Variants in CNTRL observed in about 807,000 individuals in gnomAD.
CNTRL encodes the protein centriolin.
In CNTRL, 233 loss-of-function variants were observed where a neutral mutation model predicts 303.7. That is an observed-to-expected ratio of 0.77 (90% confidence interval 0.69 to 0.86). The LOEUF (loss-of-function observed/expected upper bound fraction) is 0.86, where lower values mean the gene tolerates loss of function less well. Among genes scored for constraint, CNTRL ranks in the 40% least tolerant of loss-of-function variants. CNTRL has a pLI of 0.00. For missense variants in CNTRL, 2,524 were observed against 2,650.6 expected, an observed-to-expected ratio of 0.95 and a Z score of 1.05; for synonymous variants, 900 against 922.2, an observed-to-expected ratio of 0.98 and a Z score of 0.44.
chr9:121,112,715 A>C, intron 9 of CNTRL, 137 bp downstream of exon 9: 4 of 937,038 alleles, frequency 4.3e-6, no homozygotes, highest in Non-Finnish European at 6.3e-6. Context: ...ATTAAACTGT[A>C]TTTTGGTTCA....
chr9:121,096,590 T>C, intron 6 of CNTRL, 27 bp downstream of exon 6: 1 of 1,386,408 alleles, frequency 7.2e-7, no homozygotes. Context: ...AGCAGGAATT[T>C]TTAGACTTGT....
intron 27 of CNTRL, among the ~76,000 whole-genome samples, chr9:121,156,537 C>G (rs1489597846): frequency 6.6e-6 from 1 of 152,174 alleles, no homozygotes; most frequent in Admixed American, 6.5e-5. Flanking sequence ...ATGTAGCTCT[C>G]TGGGAGCTTG....
rs747378385 is a variant in CNTRL at position 121,152,539 on chromosome 9, C to T, written c.4018C>T (p.Arg1340Trp). ...DIMQHLKSKK[R>W]EERWMRASKR... ...AATGCAGCATTTAAAATCAAAGAAG[C>T]GGGAAGAAAGGTGGATGAGAGCATC... is the stretch of plus-strand genomic sequence containing the variant. Residue 1340 changes from arginine to tryptophan, a missense_variant, in exon 26 of 44, where the codon CGG becomes TGG. By Grantham distance (101) the Arg-to-Trp change is moderately radical (BLOSUM62 -3). Transcript: ENST00000373855. 65 of 1,613,554 alleles carry T rather than the reference C, an allele frequency of 4.0e-5. No homozygotes were observed. Among genetic ancestry groups the T allele is most frequent in the South Asian group, 3.3e-4 (30 of 91,064 alleles).
Position 121,148,741 on chromosome 9 carries a change from G to C in CNTRL, c.3529G>C (p.Val1177Leu), listed in dbSNP as rs150542959. Residue 1177 changes from valine to leucine, a missense_variant, in exon 24 of 44, where the codon GTT (valine) becomes CTT (leucine). Transcript: ENST00000373855. ...CCTTAAGTACTCAGCCTCAACTCCT[G>C]TTAGAAAACCACGCCCTGGGCAGCA... Reference protein sequence around the residue: ...VGLKYSASTPVRKPRPGQQDG... With the variant: ...VGLKYSASTPLRKPRPGQQDG... 863 of 1,614,120 alleles carry C rather than the reference G, an allele frequency of 5.3e-4. 2 individuals carry two copies. Among genetic ancestry groups the C allele is most frequent in the Non-Finnish European group, 6.6e-4 (781 of 1,179,992 alleles).
intron 2 of CNTRL, among the ~76,000 whole-genome samples, chr9:121,081,065 C>G (rs1003299042): frequency 2.6e-5 from 4 of 152,162 alleles, no homozygotes; most frequent in African/African-American, 9.7e-5. Context: ...TCAGCAACAC[C>G]TACCTCTCCA....
intron 9 of CNTRL, among the ~76,000 whole-genome samples, chr9:121,112,844 A>G (rs955460505): frequency 3.3e-5 from 5 of 152,216 alleles, no homozygotes; most frequent in East Asian, 1.9e-4. Flanking sequence ...ACTCGCAGCT[A>G]TCTTTCCCAG....
At chr9:121,134,244 A>G (rs1422657257) in intron 14 of CNTRL, among the ~76,000 whole-genome samples, 1 of 151,748 alleles carries the variant, frequency 6.6e-6, no homozygotes, top group East Asian at 1.9e-4. Context: ...TCATTATTAC[A>G]CCTAAGAAAA....
At chr9:121,160,384 C>A in intron 32 of CNTRL, 82 bp downstream of exon 32, 4 of 1,037,920 alleles carry the variant, frequency 3.9e-6, no homozygotes, top group South Asian at 3.0e-5. Context: ...TAACAAATGG[C>A]CAAAAAAACT....
In CNTRL at chr9:121,173,499, TTCACATAA is replaced by T. The variant is rs2053394024; in HGVS notation, c.6676_6683del (p.His2226GlyfsTer2). The T allele has an allele frequency of 6.2e-7, 1 of 1,613,204 alleles. No individual in the cohort carries two copies. The highest frequency in any genetic ancestry group is 8.5e-7 in the Non-Finnish European group (1 of 1,179,866). On this transcript the variant is annotated frameshift_variant and splice_region_variant, in exon 41 of 44. Coordinates refer to ENST00000373855, the MANE Select transcript of CNTRL (RefSeq NM_007018.6). LOFTEE classifies it high-confidence loss of function. ...GAAGAAAAACTGAACTTTTCCCAAG[TTCACATAA>T]TGGTAAGGGTTTATCCTGCTATTCT... is the stretch of plus-strand genomic sequence containing the variant.
chr9:121,083,705 A>G (rs2048235050), intron 2 of CNTRL, among the ~76,000 whole-genome samples: 2 of 152,234 alleles, frequency 1.3e-5, no homozygotes, highest in Admixed American at 6.5e-5. Context: ...ACCAAGTACT[A>G]TGTACTCTAC....
In CNTRL at chr9:121,145,345, G is replaced by C; in HGVS notation, c.3270G>C (p.Glu1090Asp). Residue 1090 changes from glutamate (E) to aspartate (D), a missense_variant, in exon 22 of 44, where the codon GAG (glutamate) becomes GAC (aspartate). Glu to Asp is a conservative substitution (Grantham distance 45, BLOSUM62 2). Coordinates refer to ENST00000373855, the MANE Select transcript of CNTRL (RefSeq NM_007018.6). ...LNETMERQRT[E>D]IARLQNVLDL... ...AGACAATGGAACGACAAAGGACAGA[G>C]ATTGCAAGGCTGCAGAATGTACTAG... 1 of 1,613,982 alleles carries C rather than the reference G, an allele frequency of 6.2e-7. No homozygotes were observed. The highest frequency in any genetic ancestry group is 8.5e-7 in the Non-Finnish European group (1 of 1,179,948).
chr9:121,088,670 A>G, intron 3 of CNTRL, 127 bp downstream of exon 3: 1 of 628,628 alleles, frequency 1.6e-6, no homozygotes, highest in Non-Finnish European at 2.8e-6. Context: ...TTTTATTAAC[A>G]GAAATTAAGG....
rs569783600 is a variant in CNTRL, at chr9:121,173,166, A to G, written c.6418-77A>G. On this transcript the variant is annotated intron_variant, in intron 40 of 43. Transcript: ENST00000373855. ...TTGATATTTATAGATCTTTAAATACATGGCACATCATACAGCTCAATTCCA... is the reference window on the plus strand; with the variant it reads ...TTGATATTTATAGATCTTTAAATACGTGGCACATCATACAGCTCAATTCCA... 263 of 1,279,174 alleles carry G rather than the reference A, an allele frequency of 2.1e-4. 1 individual carries two copies. Among genetic ancestry groups the G allele is most frequent in the Admixed American group, 3.1e-4 (14 of 44,730 alleles). The allele number at this position is 1,279,174 out of a possible 1,614,324, so 79.2% of individuals were successfully genotyped here. A position where few individuals can be genotyped will look rare whatever the true frequency, so the allele number is the denominator to read the frequency against.
At position 121,099,675 on chromosome 9, in the gene CNTRL, A is replaced by G. The variant is rs149929262; in HGVS notation, c.808+1103A>G. ...AAAAGCCTTGAAAAAAGATGGCACG[A>G]ATGTCTAACTAGAATAAACAGCATA... On this transcript the variant is annotated intron_variant, in intron 7 of 43. Transcript: ENST00000373855. 1.7e-4 allele frequency among the ~76,000 whole-genome samples: 26 copies of G among 152,316 alleles called. No homozygotes were observed. The East Asian group carries it at 4.2e-3, about 25-fold the overall frequency.
chr9:121,098,613 G>C, intron 7 of CNTRL, 41 bp downstream of exon 7: 1 of 1,305,334 alleles, frequency 7.7e-7, no homozygotes, highest in Non-Finnish European at 1.1e-6. Flanking sequence ...GGGTGAGGGA[G>C]GAATTTATTT....
intron 25 of CNTRL, among the ~76,000 whole-genome samples, chr9:121,150,984 A>G (rs2052206451): frequency 6.6e-6 from 1 of 152,248 alleles, no homozygotes; most frequent in Non-Finnish European, 1.5e-5. Flanking sequence ...GTGTATACAC[A>G]TGTATGTGCA....
rs371936650 is a variant in CNTRL at position 121,165,110 on chromosome 9, A to G, written c.5581+10A>G. 5 of 1,546,400 alleles carry G rather than the reference A, an allele frequency of 3.2e-6. No individual in the cohort carries two copies. In the African/African-American group the frequency reaches 7.0e-5, roughly 22 times the overall value. ...CAACAGCAGCTCCAAGGTATAAGGC[A>G]GCAAAACAGTGAAAGTGTGTGATTT... On this transcript the variant is annotated intron_variant, in intron 35 of 43. Transcript: ENST00000373855.
At chr9:121,157,909 G>A (rs998691287) in intron 29 of CNTRL, 29 bp downstream of exon 29, 7 of 1,613,674 alleles carry the variant, frequency 4.3e-6, no homozygotes, top group Non-Finnish European at 5.9e-6. Context: ...GGGCTACAAG[G>A]GGTTTGTGCT....
chr9:121,129,051 G>C (rs900327003), intron 14 of CNTRL, among the ~76,000 whole-genome samples: 1 of 152,180 alleles, frequency 6.6e-6, no homozygotes, highest in Non-Finnish European at 1.5e-5. Context: ...TAGCCTTGTA[G>C]TATAGTTTAA....
Sources: gnomAD v4.1 joint callset for allele counts (sites outside exome capture counted in the v4.1 genomes callset) on GRCh38, gnomAD v4.1.1 for gene constraint, MANE v1.5 for transcripts, NCBI Gene and HGNC (gene_info 2026-07-23, HGNC 2026-07-21) for gene names.